LRRTM4: variants seen among roughly 807,000 people sequenced by gnomAD.
LRRTM4 encodes leucine rich repeat transmembrane neuronal 4, also known as leucine-rich repeat transmembrane neuronal protein 4.
In LRRTM4, 25 loss-of-function variants were observed where a neutral mutation model predicts 47.6. The observed-to-expected ratio is 0.53, with a 90% CI of 0.38 to 0.73. The LOEUF (loss-of-function observed/expected upper bound fraction) is 0.73, where lower values mean the gene tolerates loss of function less well. Among genes scored for constraint, LRRTM4 ranks in the 30% least tolerant of loss-of-function variants. The pLI is 0.00. For synonymous variants in LRRTM4, 311 were observed against 269.5 expected, an observed-to-expected ratio of 1.15 and a Z score of -1.51; for missense variants, 638 against 713.4, an observed-to-expected ratio of 0.89 and a Z score of 1.20.
chr2:77,360,392 G>A (rs1488817774), intron 3 of LRRTM4, among the ~76,000 whole-genome samples: 1 of 152,086 alleles, frequency 6.6e-6, no homozygotes, highest in Non-Finnish European at 1.5e-5. Flanking sequence ...AGGAGGCGGA[G>A]CTTGCAGTGA....
At chr2:77,176,500 C>A (rs1269363751) in intron 3 of LRRTM4, among the ~76,000 whole-genome samples, 7 of 152,172 alleles carry the variant, frequency 4.6e-5, no homozygotes, top group Admixed American at 3.9e-4. Context: ...GAAACAAAAT[C>A]TGCTAGATGC....
intron 3 of LRRTM4, among the ~76,000 whole-genome samples, chr2:76,749,379 C>T (rs868725013): frequency 2.9e-4 from 44 of 152,078 alleles, no homozygotes; most frequent in African/African-American, 1.0e-3. Flanking sequence ...AATATATTTA[C>T]ACTTTTATTT....
intron 3 of LRRTM4, among the ~76,000 whole-genome samples, chr2:77,240,477 A>G (rs565210327): frequency 6.6e-5 from 10 of 152,134 alleles, no homozygotes; most frequent in African/African-American, 2.2e-4. Context: ...GAGCTATACT[A>G]ACATACCTAA....
chr2:77,170,342 C>G lies in LRRTM4; in HGVS notation c.1551+347976G>C, dbSNP rs1390512208. Among the ~76,000 whole-genome samples the G allele has an allele frequency of 3.3e-5, 5 of 152,112 alleles. No homozygotes were observed. In the East Asian group the frequency reaches 9.7e-4, roughly 29 times the overall value. ...GCAACCTCTAGAAGCTGGAAATAAACTTTATGTAAAAATCAGCAAGAAAAT... is the reference window on the plus strand; with the variant it reads ...GCAACCTCTAGAAGCTGGAAATAAAGTTTATGTAAAAATCAGCAAGAAAAT... On this transcript the variant is annotated intron_variant, in intron 3 of 3. Coordinates refer to ENST00000409884, the MANE Select transcript of LRRTM4 (RefSeq NM_001134745.3).
chr2:77,073,212 T>G (rs1214963630), intron 3 of LRRTM4, among the ~76,000 whole-genome samples: 1 of 152,128 alleles, frequency 6.6e-6, no homozygotes, highest in Non-Finnish European at 1.5e-5. Flanking sequence ...AGTTTACATA[T>G]TCATAGAACT....
rs1000122362 is a variant in LRRTM4, at chr2:77,431,605, T to C, written c.1551+86713A>G. Among the ~76,000 whole-genome samples the C allele has an allele frequency of 6.7e-5, 10 of 149,104 alleles. 2 individuals are homozygous for C. The highest frequency in any genetic ancestry group is 2.3e-4 in the African/African-American group (9 of 38,542). On this transcript the variant is annotated intron_variant, in intron 3 of 3. Coordinates refer to ENST00000409884, the MANE Select transcript of LRRTM4 (RefSeq NM_001134745.3). ...CAAAAGTCTAAAGTCCAGAGTCTCA[T>C]CTAAATATCAAAATCAGATATGGAT...
At chr2:77,439,280 C>T (rs1435415845) in intron 3 of LRRTM4, among the ~76,000 whole-genome samples, 1 of 152,184 alleles carries the variant, frequency 6.6e-6, no homozygotes, top group African/African-American at 2.4e-5. Flanking sequence ...GCTAAATTTT[C>T]ATATTTTTCT....
chr2:77,343,445 T>G (rs775821932), intron 3 of LRRTM4, among the ~76,000 whole-genome samples: 1 of 152,028 alleles, frequency 6.6e-6, no homozygotes, highest in Non-Finnish European at 1.5e-5. Context: ...TCTTGAAGAC[T>G]AGTTGCTCTG....
chr2:76,771,458 G>A (rs544931436), intron 3 of LRRTM4, among the ~76,000 whole-genome samples: 3 of 152,096 alleles, frequency 2.0e-5, no homozygotes, highest in Non-Finnish European at 1.5e-5. Context: ...TGGAGGTGAG[G>A]TGGGACAGTA....
At chr2:76,938,441 C>G (rs1675030498) in intron 3 of LRRTM4, among the ~76,000 whole-genome samples, 2 of 152,126 alleles carry the variant, frequency 1.3e-5, no homozygotes, top group South Asian at 4.1e-4. Context: ...AGTGATTTTA[C>G]TGATGATGAA....
intron 3 of LRRTM4, among the ~76,000 whole-genome samples, chr2:77,238,665 T>TA (rs1280601126): frequency 1.1e-4 from 17 of 151,898 alleles, no homozygotes; most frequent in Non-Finnish European, 1.5e-5. Flanking sequence ...TCAAACTCCT[T>TA]AAAACCAAAG....
At chr2:76,938,580 T>G (rs1675034580) in intron 3 of LRRTM4, among the ~76,000 whole-genome samples, 1 of 152,128 alleles carries the variant, frequency 6.6e-6, no homozygotes, top group Admixed American at 6.5e-5. Flanking sequence ...TATAATAAGC[T>G]TCAGTGAACA....
At position 77,465,942 on chromosome 2, in the gene LRRTM4, AAAT is replaced by A. The variant is rs1171595828; in HGVS notation, c.1551+52373_1551+52375del. 7.9e-3 allele frequency among the ~76,000 whole-genome samples: 1,204 copies of A among 152,276 alleles called. 5 individuals carry two copies. Among genetic ancestry groups the A allele is most frequent in the Non-Finnish European group, 0.012 (788 of 68,026 alleles). ...TAATGATAAAAGCAGCAGGCTTCTC[AAAT>A]GCAATATGGACTGTTTTTCCTTTGC... On this transcript the variant is annotated intron_variant, in intron 3 of 3. Transcript: ENST00000409884.
At chr2:77,322,593 G>T (rs1677827767) in intron 3 of LRRTM4, among the ~76,000 whole-genome samples, 1 of 151,760 alleles carries the variant, frequency 6.6e-6, no homozygotes, top group South Asian at 2.1e-4. Context: ...CAAGAGTTTG[G>T]AATGGCTTCG....
chr2:77,074,728 G>T (rs1404916775), intron 3 of LRRTM4, among the ~76,000 whole-genome samples: 5 of 152,018 alleles, frequency 3.3e-5, no homozygotes, highest in African/African-American at 9.7e-5. Flanking sequence ...CATGAAAAAA[G>T]GTCAATTGTT....
chr2:77,197,055 A>G (rs1308416226), intron 3 of LRRTM4, among the ~76,000 whole-genome samples: 4 of 151,902 alleles, frequency 2.6e-5, no homozygotes, highest in African/African-American at 9.7e-5. Flanking sequence ...TTCTCCATTG[A>G]TTTCAATAGA....
At chr2:77,258,156 C>T (rs1675822209) in intron 3 of LRRTM4, among the ~76,000 whole-genome samples, 1 of 150,734 alleles carries the variant, frequency 6.6e-6, no homozygotes, top group Admixed American at 6.6e-5. Flanking sequence ...CACCACCACA[C>T]ATCTAGTAAA....
intron 3 of LRRTM4, among the ~76,000 whole-genome samples, chr2:77,354,011 T>C (rs1174612434): frequency 2.6e-5 from 4 of 152,180 alleles, no homozygotes; most frequent in African/African-American, 4.8e-5. Flanking sequence ...GGCAGTTCTG[T>C]AGTCATATTT....
chr2:77,339,426 A>G (rs1206071306), intron 3 of LRRTM4, among the ~76,000 whole-genome samples: 1 of 151,994 alleles, frequency 6.6e-6, no homozygotes, highest in Non-Finnish European at 1.5e-5. Flanking sequence ...CTTTAATTCT[A>G]TAAAGCCACC....
Sources: gnomAD v4.1 joint callset for allele counts (sites outside exome capture counted in the v4.1 genomes callset) on GRCh38, gnomAD v4.1.1 for gene constraint, MANE v1.5 for transcripts, NCBI Gene and HGNC (gene_info 2026-07-23, HGNC 2026-07-21) for gene names.